The following RCL1 variants were observed in gnomAD, a reference collection of about 807,000 sequenced individuals.
RCL1 encodes the protein RNA terminal phosphate cyclase like 1, also known as RNA 3'-terminal phosphate cyclase-like protein.
In RCL1, 24 loss-of-function variants were observed where a neutral mutation model predicts 42.4. The ratio of observed to expected loss-of-function variants is 0.57; its 90% confidence interval spans 0.41 to 0.80. The LOEUF is 0.80. Among genes scored for constraint, RCL1 ranks in the 30% least tolerant of loss-of-function variants. RCL1 has a pLI of 0.00. For synonymous variants in RCL1, 228 were observed against 177.3 expected (o/e 1.29, Z -2.27); for missense variants, 578 against 467.9 (o/e 1.24, Z -2.17).
chr9:4,840,270 G>A (rs981657128), intron 5 of RCL1, among the ~76,000 whole-genome samples: 3 of 152,148 alleles, frequency 2.0e-5, no homozygotes, highest in Non-Finnish European at 4.4e-5. Flanking sequence ...TATATACCTC[G>A]TTCTACCTGT....
intron 2 of RCL1, 26 bp downstream of exon 2, chr9:4,823,645 G>T: frequency 2.7e-6 from 4 of 1,461,784 alleles, no homozygotes; most frequent in Non-Finnish European, 3.8e-6. Context: ...ATTCCTAAAA[G>T]CACCTCCATG....
At chr9:4,819,806 A>AAAAAC (rs902511437) in intron 1 of RCL1, among the ~76,000 whole-genome samples, 13 of 152,334 alleles carry the variant, frequency 8.5e-5, no homozygotes, top group African/African-American at 2.4e-4. Flanking sequence ...ACTCCGTCTC[A>AAAAAC]AAAACAAAAC....
intron 1 of RCL1, among the ~76,000 whole-genome samples, chr9:4,793,618 G>C (rs966298723): frequency 1.3e-5 from 2 of 152,216 alleles, no homozygotes; most frequent in African/African-American, 2.4e-5. Context: ...AGCCGGGGGA[G>C]AGACATTGGG....
intron 8 of RCL1, among the ~76,000 whole-genome samples, chr9:4,859,732 AG>A (rs1474159788): frequency 6.6e-6 from 1 of 152,174 alleles, no homozygotes; most frequent in Non-Finnish European, 1.5e-5. Context: ...CAGGAGGCTG[AG>A]GTGGAGGATT....
chr9:4,827,237 C>T, intron 3 of RCL1: 34 of 1,497,156 alleles, frequency 2.3e-5, no homozygotes, highest in Non-Finnish European at 3.0e-5. Flanking sequence ...CTATTGTTAA[C>T]AGTTACCAAG....
chr9:4,794,128 G>A (rs1453580646), intron 1 of RCL1, among the ~76,000 whole-genome samples: 1 of 152,212 alleles, frequency 6.6e-6, no homozygotes, highest in East Asian at 1.9e-4. Context: ...TCTGTAAATT[G>A]AAAAAGAGTG....
chr9:4,804,275 G>A (rs1843057365), intron 1 of RCL1: 1 of 152,680 alleles, frequency 6.5e-6, no homozygotes, highest in Admixed American at 6.5e-5. Flanking sequence ...TGCTATCCGG[G>A]GGGAAGTCGC....
chr9:4,826,947 G>A lies in RCL1; in HGVS notation c.298G>A (p.Glu100Lys). Residue 100 changes from glutamate (E) to lysine (K), a missense_variant, in exon 3 of 9, where the codon GAG becomes AAG. Physicochemically the swap from Glu to Lys is moderately conservative, Grantham distance 56 (BLOSUM62 1). Transcript: ENST00000381750. ...SVLRGIGYYL[E>K]SLLCLAPFMK... ...CCTTCGTGGCATTGGGTATTACCTG[G>A]AGAGTCTTCTTTGCTTGGCTCCATT... 1.2e-6 allele frequency: 2 copies of A among 1,614,174 alleles called. No homozygotes were observed. Among genetic ancestry groups the A allele is most frequent in the Non-Finnish European group, 1.7e-6 (2 of 1,180,014 alleles).
chr9:4,837,319 T>TA (rs1245222146), intron 5 of RCL1, among the ~76,000 whole-genome samples: 2 of 152,180 alleles, frequency 1.3e-5, no homozygotes, highest in Non-Finnish European at 2.9e-5. Flanking sequence ...TTAATGGCTT[T>TA]AACCACAACA....
intron 8 of RCL1, among the ~76,000 whole-genome samples, chr9:4,857,931 C>CTTTTTTT (rs34470773): frequency 0.051 from 5,261 of 102,732 alleles, 908 homozygotes; most frequent in African/African-American, 0.17. Context: ...AGCTCTCCCA[C>CTTTTTTT]TTTTTTTTTT....
At chr9:4,823,218 A>G (rs889087712) in intron 1 of RCL1, among the ~76,000 whole-genome samples, 1 of 152,026 alleles carries the variant, frequency 6.6e-6, no homozygotes, top group Non-Finnish European at 1.5e-5. Context: ...TGAGTTCAGA[A>G]GAATAGGTCT....
intron 7 of RCL1, 64 bp downstream of exon 7, chr9:4,844,745 C>T: frequency 6.6e-7 from 1 of 1,520,270 alleles, no homozygotes; most frequent in Non-Finnish European, 9.0e-7. Context: ...TCATTCTCAT[C>T]TCTTGGCAGC....
intron 1 of RCL1, among the ~76,000 whole-genome samples, chr9:4,799,503 A>G (rs1488055571): frequency 6.6e-6 from 1 of 152,164 alleles, no homozygotes; most frequent in East Asian, 1.9e-4. Flanking sequence ...TGTCACTCCA[A>G]GGATTCTTCA....
rs55969711 is a variant in RCL1, at chr9:4,794,826, A to G, written c.136+1599A>G. 1.8e-3 allele frequency among the ~76,000 whole-genome samples: 279 copies of G among 152,278 alleles called. 1 individual carries two copies. Among genetic ancestry groups the G allele is most frequent in the Admixed American group, 6.0e-3 (92 of 15,284 alleles). On this transcript the variant is annotated intron_variant, in intron 1 of 8. Coordinates refer to ENST00000381750, the MANE Select transcript of RCL1 (RefSeq NM_005772.5). ...AGCATCTCTTCAAAGCATCTCACACATATGAGCTCCCGTTTCTTCCAAGAA... is the reference window on the plus strand; with the variant it reads ...AGCATCTCTTCAAAGCATCTCACACGTATGAGCTCCCGTTTCTTCCAAGAA...
At chr9:4,847,586 C>T (rs904088448) in intron 7 of RCL1, among the ~76,000 whole-genome samples, 2 of 152,240 alleles carry the variant, frequency 1.3e-5, no homozygotes, top group Non-Finnish European at 2.9e-5. Context: ...CACTGGCTCT[C>T]TGCATTTCTA....
chr9:4,813,956 C>A (rs918828629), intron 1 of RCL1, among the ~76,000 whole-genome samples: 4 of 152,102 alleles, frequency 2.6e-5, no homozygotes, highest in Non-Finnish European at 1.5e-5. Context: ...CCAAACACTG[C>A]ATGTTCTCAC....
chr9:4,832,388 C>T (rs1041735324), intron 3 of RCL1, among the ~76,000 whole-genome samples: 4 of 152,280 alleles, frequency 2.6e-5, no homozygotes, highest in African/African-American at 9.6e-5. Flanking sequence ...CTTAGGTGAG[C>T]TGTTGAATAG....
chr9:4,837,219 G>C (rs774140327), intron 5 of RCL1, among the ~76,000 whole-genome samples: 1 of 152,132 alleles, frequency 6.6e-6, no homozygotes, highest in Non-Finnish European at 1.5e-5. Flanking sequence ...CAGATGCATT[G>C]TATTCCACCA....
chr9:4,796,700 T>C (rs1429279345), intron 1 of RCL1, among the ~76,000 whole-genome samples: 18 of 152,230 alleles, frequency 1.2e-4, no homozygotes, highest in Admixed American at 1.2e-3. Flanking sequence ...ATGCCCAGCC[T>C]GATTTCATTC....
Sources: allele counts gnomAD v4.1 joint callset (sites outside exome capture counted in the v4.1 genomes callset), GRCh38; gene constraint gnomAD v4.1.1; transcripts MANE v1.5; gene names NCBI Gene and HGNC (gene_info 2026-07-23, HGNC 2026-07-21).